The following LIPK variants were observed in gnomAD, a reference collection of about 807,000 sequenced individuals.
LIPK encodes lipase member K.
Under a neutral mutation model 48.6 loss-of-function variants are expected in LIPK, and 32 were observed. That is an observed-to-expected ratio of 0.66 (90% CI 0.50 to 0.88). The LOEUF is 0.88. LIPK is among the 40% of genes least tolerant of loss of function. LIPK has a pLI of 0.00. For synonymous variants in LIPK, 164 were observed against 157.4 expected (o/e 1.04, Z -0.32); for missense variants, 507 against 478.5 (o/e 1.06, Z -0.56).
At chr10:88,737,897 G>A in intron 7 of LIPK, 116 bp downstream of exon 7, 1 of 1,109,982 alleles carries the variant, frequency 9.0e-7, no homozygotes, top group Non-Finnish European at 1.3e-6. Flanking sequence ...CATTTGGAAT[G>A]TAATTAGTAC....
chr10:88,716,361 T>C (rs1180427149), intron 1 of LIPK, among the ~76,000 whole-genome samples: 1 of 146,760 alleles, frequency 6.8e-6, no homozygotes, highest in Non-Finnish European at 1.5e-5. Flanking sequence ...AATTTCTTTT[T>C]TTTTTTTTTT....
intron 7 of LIPK, 65 bp from the exon 8 acceptor site, chr10:88,739,931 C>A: frequency 1.1e-6 from 1 of 941,846 alleles, no homozygotes; most frequent in South Asian, 1.7e-5. Flanking sequence ...TTAAATTTCT[C>A]TCAAATGTTT....
At position 88,731,513 on chromosome 10, in the gene LIPK, A is replaced by C. The variant is rs544474406; in HGVS notation, c.422+332A>C. ...GCAGCAGCGCCTGAGGGTGCTGTCT[A>C]CTTCAGAAGCCACGCCTACCCGGTC... is the stretch of plus-strand genomic sequence containing the variant. On this transcript the variant is annotated intron_variant, in intron 4 of 9. Coordinates refer to ENST00000404190, the MANE Select transcript of LIPK (RefSeq NM_001080518.2). 4.6e-5 allele frequency among the ~76,000 whole-genome samples: 7 copies of C among 152,360 alleles called. No homozygotes were observed. In the South Asian group the frequency reaches 1.4e-3, roughly 32 times the overall value.
intron 3 of LIPK, chr10:88,728,926 G>T (rs1428903697): frequency 5.7e-6 from 1 of 176,980 alleles, no homozygotes; most frequent in Non-Finnish European, 1.2e-5. Flanking sequence ...GAATGTCCAC[G>T]GCAGCACTTC....
At chr10:88,718,142 A>G (rs989680468) in intron 1 of LIPK, among the ~76,000 whole-genome samples, 2 of 151,566 alleles carry the variant, frequency 1.3e-5, no homozygotes, top group Non-Finnish European at 2.9e-5. Context: ...TTTCTTTTCC[A>G]TATCTTTCTT....
At chr10:88,734,971 C>G (rs1168146042) in intron 6 of LIPK, among the ~76,000 whole-genome samples, 2 of 152,146 alleles carry the variant, frequency 1.3e-5, no homozygotes, top group African/African-American at 2.4e-5. Flanking sequence ...CCTTTTTTCT[C>G]TCTCTGATTA....
intron 6 of LIPK, among the ~76,000 whole-genome samples, chr10:88,734,855 T>C (rs960267651): frequency 6.6e-6 from 1 of 152,232 alleles, no homozygotes; most frequent in East Asian, 1.9e-4. Context: ...TTTTGACTTT[T>C]TGAGGAACGG....
intron 6 of LIPK, among the ~76,000 whole-genome samples, chr10:88,736,677 T>C (rs1278685188): frequency 1.3e-5 from 2 of 152,170 alleles, no homozygotes; most frequent in African/African-American, 4.8e-5. Flanking sequence ...AATAGCCACT[T>C]CATAAAATAA....
chr10:88,750,074 A>T (rs973634091), intron 9 of LIPK, among the ~76,000 whole-genome samples: 1 of 152,232 alleles, frequency 6.6e-6, no homozygotes, highest in Non-Finnish European at 1.5e-5. Context: ...ATCAATAATC[A>T]TTAGAGAAAT....
intron 8 of LIPK, among the ~76,000 whole-genome samples, chr10:88,740,617 TGTG>T (rs1426087624): frequency 6.8e-6 from 1 of 147,798 alleles, no homozygotes; most frequent in Non-Finnish European, 1.5e-5. Context: ...TTCTGAGCCT[TGTG>T]TGTGTGTGTG....
intron 1 of LIPK, among the ~76,000 whole-genome samples, chr10:88,720,675 G>A (rs1321927704): frequency 2.0e-5 from 3 of 150,904 alleles, no homozygotes; most frequent in African/African-American, 7.3e-5. Context: ...ACATGTGTGT[G>A]TATGTGTGTG....
chr10:88,748,995 C>A (rs1048504495), intron 9 of LIPK, among the ~76,000 whole-genome samples: 2 of 151,990 alleles, frequency 1.3e-5, no homozygotes, highest in African/African-American at 4.8e-5. Flanking sequence ...TCCAAGCTGA[C>A]AGCCAAGTCA....
Position 88,722,279 on chromosome 10 carries a change from G to A in LIPK, c.-11-2254G>A, listed in dbSNP as rs532701403. Among the ~76,000 whole-genome samples, 4 of 152,178 alleles carry A rather than the reference G, an allele frequency of 2.6e-5. No homozygotes were observed. The South Asian group carries it at 8.3e-4, about 32-fold the overall frequency. ...CATTATACTCCAGCCTGGGCAACAA[G>A]AGCAAAACTCCGTCTCAGGAAAAAA... On this transcript the variant is annotated intron_variant, in intron 1 of 9. Coordinates refer to ENST00000404190, the MANE Select transcript of LIPK (RefSeq NM_001080518.2).
rs187543628 is a variant in LIPK, at chr10:88,734,919, T to C, written c.669+2368T>C. Among the ~76,000 whole-genome samples, 192 of 152,356 alleles carry C rather than the reference T, an allele frequency of 1.3e-3. 1 individual carries two copies. The highest frequency in any genetic ancestry group is 4.4e-3 in the African/African-American group (183 of 41,588). On this transcript the variant is annotated intron_variant, in intron 6 of 9. Coordinates refer to ENST00000404190, the MANE Select transcript of LIPK (RefSeq NM_001080518.2). Reference sequence around the variant, plus strand: ...GCCAGATGCTCGCAGGCATGCTTGGTGAAAGGCTTCCTTTTTTATGGGAGC... The same window carrying C: ...GCCAGATGCTCGCAGGCATGCTTGGCGAAAGGCTTCCTTTTTTATGGGAGC...
chr10:88,747,605 A>G (rs1842787340), intron 9 of LIPK, among the ~76,000 whole-genome samples: 1 of 152,180 alleles, frequency 6.6e-6, no homozygotes, highest in Non-Finnish European at 1.5e-5. Flanking sequence ...CTAAGCATCA[A>G]AGAAACTTAC....
intron 6 of LIPK, among the ~76,000 whole-genome samples, chr10:88,733,702 G>T (rs1364548923): frequency 6.6e-6 from 1 of 152,152 alleles, no homozygotes; most frequent in Non-Finnish European, 1.5e-5. Context: ...GATATTTTGG[G>T]ATGGTGAGAT....
At position 88,710,612 on chromosome 10, in the gene LIPK, C is replaced by A. The variant is rs11202826; in HGVS notation, c.-12+4292C>A. 1.1e-4 allele frequency among the ~76,000 whole-genome samples: 16 copies of A among 151,974 alleles called. No homozygotes were observed. In the East Asian group the frequency reaches 2.7e-3, roughly 26 times the overall value. ...CAACCGCAGAGTATGCACTCCTTTG[C>A]GCTTTTTTCATTCGGCATAACGTTT... is the stretch of plus-strand genomic sequence containing the variant. On this transcript the variant is annotated intron_variant, in intron 1 of 9. Coordinates refer to ENST00000404190, the MANE Select transcript of LIPK (RefSeq NM_001080518.2).
Position 88,737,653 on chromosome 10 carries a change from A to G in LIPK, c.688A>G (p.Met230Val). The change falls in exon 7 of 10, where the codon ATG becomes GTG. Residue 230 changes from methionine to valine, a missense_variant. Transcript: ENST00000404190. ...RVVKVLFGDK[M>V]FHPHTLFDQF... ...CTTGTAGGTGTTGTTTGGTGACAAA[A>G]TGTTCCACCCTCATACATTGTTTGA... is the stretch of plus-strand genomic sequence containing the variant. 1 of 1,613,606 alleles carries G rather than the reference A, an allele frequency of 6.2e-7. No individual in the cohort carries two copies. The highest frequency in any genetic ancestry group is 8.5e-7 in the Non-Finnish European group (1 of 1,179,666).
Position 88,732,210 on chromosome 10 carries a change from C to A in LIPK, c.455C>A (p.Ala152Asp), listed in dbSNP as rs1842480858. 2 of 1,611,860 alleles carry A rather than the reference C, an allele frequency of 1.2e-6. No homozygotes were observed. The highest frequency in any genetic ancestry group is 1.7e-6 in the Non-Finnish European group (2 of 1,178,832). Reference protein sequence around the residue: ...LDEMAKYDLPATINFIIEKTG... With the variant: ...LDEMAKYDLPDTINFIIEKTG... ...GAGATGGCTAAATATGACCTTCCAGCCACAATCAATTTTATCATAGAGAAA... is the reference window on the plus strand; with the variant it reads ...GAGATGGCTAAATATGACCTTCCAGACACAATCAATTTTATCATAGAGAAA... The change falls in exon 5 of 10, where the codon GCC becomes GAC. Residue 152 changes from alanine (A) to aspartate (D), a missense_variant. Ala to Asp is a moderately radical substitution (Grantham distance 126). Coordinates refer to ENST00000404190, the MANE Select transcript of LIPK (RefSeq NM_001080518.2).
Sources: gnomAD v4.1 joint callset for allele counts (sites outside exome capture counted in the v4.1 genomes callset) on GRCh38, gnomAD v4.1.1 for gene constraint, MANE v1.5 for transcripts, NCBI Gene and HGNC (gene_info 2026-07-23, HGNC 2026-07-21) for gene names.